Variants in CAST observed in about 807,000 individuals in gnomAD.
CAST encodes the protein MIR583 host.
Under a neutral mutation model 119.6 loss-of-function variants are expected in CAST, and 76 were observed. The observed-to-expected ratio is 0.64, with a 90% CI of 0.53 to 0.77. The LOEUF is 0.77. Among genes scored for constraint, CAST ranks in the 30% least tolerant of loss-of-function variants. CAST has a pLI of 0.00. For missense variants in CAST, 953 were observed against 946.5 expected (o/e 1.01, Z -0.09); for synonymous variants, 319 against 331.6 (o/e 0.96, Z 0.41).
the CAST span, among the ~76,000 whole-genome samples, chr5:96,181,069 A>AT: frequency 1.3e-5 from 2 of 152,004 alleles, no homozygotes; most frequent in East Asian, 1.9e-4. Flanking sequence ...TATGGCAGAT[A>AT]TTTTTTCTTC....
chr5:96,545,829 G>T (rs1746001419), intron 1 of CAST, among the ~76,000 whole-genome samples: 1 of 152,132 alleles, frequency 6.6e-6, no homozygotes, highest in Non-Finnish European at 1.5e-5. Context: ...GACCTCCTTT[G>T]AAGTGAATGT....
chr5:96,530,381 T>G (rs1008584486), intron 1 of CAST, among the ~76,000 whole-genome samples: 4 of 152,124 alleles, frequency 2.6e-5, no homozygotes, highest in Non-Finnish European at 5.9e-5. Flanking sequence ...TAGAGAAGCC[T>G]GAATACAGGC....
chr5:96,168,305 C>T, the CAST span, among the ~76,000 whole-genome samples: 2 of 152,172 alleles, frequency 1.3e-5, no homozygotes, highest in African/African-American at 2.4e-5. Context: ...CAGTGAATGA[C>T]TCCAGCTTCC....
intron 29 of CAST, chr5:96,768,502 C>T: frequency 2.5e-6 from 1 of 405,898 alleles, no homozygotes; most frequent in Non-Finnish European, 4.8e-6. Flanking sequence ...TGTGGATTTC[C>T]TTTTTTTTCT....
chr5:96,143,908 A>G, the CAST span, among the ~76,000 whole-genome samples: 1 of 152,266 alleles, frequency 6.6e-6, no homozygotes, highest in East Asian at 1.9e-4. Flanking sequence ...GTGTCTTTGT[A>G]CTCATTTTTA....
the CAST span, among the ~76,000 whole-genome samples, chr5:96,157,444 T>G: frequency 6.6e-6 from 1 of 152,226 alleles, no homozygotes; most frequent in African/African-American, 2.4e-5. Context: ...TGGAAAAACC[T>G]TTTTTAGAAA....
intron 1 of CAST, among the ~76,000 whole-genome samples, chr5:96,648,407 GTATATTTAAGTTTA>G (rs1748049416): frequency 6.6e-6 from 1 of 151,618 alleles, no homozygotes; most frequent in African/African-American, 2.4e-5. Context: ...TAATATTTAG[GTATATTTAAGTTTA>G]TATATTTAAG....
intron 1 of CAST, among the ~76,000 whole-genome samples, chr5:96,621,081 G>A (rs1040822002): frequency 2.6e-5 from 4 of 152,038 alleles, no homozygotes; most frequent in Non-Finnish European, 5.9e-5. Context: ...AAGTTCCCAC[G>A]TCTTCTACCT....
chr5:96,764,449 A>T (rs1769099715), intron 25 of CAST, among the ~76,000 whole-genome samples: 1 of 152,188 alleles, frequency 6.6e-6, no homozygotes, highest in Non-Finnish European at 1.5e-5. Context: ...CTAGAATACC[A>T]GCTCCCATTT....
chr5:96,116,626 G>A, the CAST span, among the ~76,000 whole-genome samples: 15 of 152,256 alleles, frequency 9.9e-5, no homozygotes, highest in East Asian at 1.2e-3. Context: ...TTTACTGGTC[G>A]TTCTTGTTGT....
the CAST span, among the ~76,000 whole-genome samples, chr5:96,285,271 TA>T: frequency 6.6e-6 from 1 of 152,086 alleles, no homozygotes; most frequent in African/African-American, 2.4e-5. Context: ...GATAAAGAAA[TA>T]AACCGATAAA....
the CAST span, among the ~76,000 whole-genome samples, chr5:96,206,952 C>T: frequency 1.3e-5 from 2 of 152,010 alleles, no homozygotes; most frequent in African/African-American, 4.8e-5. Flanking sequence ...GAATGTTTTT[C>T]TATTCATTTG....
intron 19 of CAST, among the ~76,000 whole-genome samples, chr5:96,749,831 C>T (rs886812811): frequency 4.6e-5 from 7 of 152,226 alleles, no homozygotes; most frequent in African/African-American, 1.7e-4. Flanking sequence ...CAGGCATGAG[C>T]CACCACACCC....
chr5:96,406,960 G>T, the CAST span, among the ~76,000 whole-genome samples: 2 of 151,880 alleles, frequency 1.3e-5, no homozygotes, highest in Non-Finnish European at 2.9e-5. Context: ...TTTTTCCTCT[G>T]TGTTAAGTAT....
chr5:96,662,900 A>C, intron 1 of CAST: 2 of 570,328 alleles, frequency 3.5e-6, no homozygotes, highest in Non-Finnish European at 6.2e-6. Flanking sequence ...CTGCCTGGAG[A>C]CGCAGAGCCT....
chr5:96,408,294 C>G, the CAST span: 2 of 1,613,992 alleles, frequency 1.2e-6, no homozygotes, highest in Non-Finnish European at 1.7e-6. Context: ...TGTGCGTCTC[C>G]GTGCAGTCAT....
intron 1 of CAST, among the ~76,000 whole-genome samples, chr5:96,546,829 C>T (rs1746028730): frequency 6.6e-6 from 1 of 152,110 alleles, no homozygotes; most frequent in Non-Finnish European, 1.5e-5. Context: ...TGATTGCTGT[C>T]TGTTGTGCAT....
intron 1 of CAST, among the ~76,000 whole-genome samples, chr5:96,559,962 A>G (rs774671811): frequency 5.9e-5 from 9 of 152,232 alleles, no homozygotes; most frequent in Non-Finnish European, 1.0e-4. Context: ...CTATACTTAC[A>G]AGGCTACAGT....
At chr5:96,097,483 C>T in the CAST span, among the ~76,000 whole-genome samples, 2 of 152,040 alleles carry the variant, frequency 1.3e-5, no homozygotes, top group South Asian at 4.1e-4. Context: ...CTGATTCTTT[C>T]CCTCCTCCCC....
Sources: gnomAD v4.1 joint callset for allele counts (sites outside exome capture counted in the v4.1 genomes callset) on GRCh38, gnomAD v4.1.1 for gene constraint, MANE v1.5 for transcripts, NCBI Gene and HGNC (gene_info 2026-07-23, HGNC 2026-07-21) for gene names.